NELL1: variants seen among roughly 807,000 people sequenced by gnomAD.
NELL1 encodes neural EGFL like 1, also known as protein kinase C-binding protein NELL1.
A neutral mutation model predicts 107.4 loss-of-function variants in NELL1; 76 were observed. The observed-to-expected ratio is 0.71, with a 90% CI of 0.59 to 0.86. The LOEUF (loss-of-function observed/expected upper bound fraction) is 0.86. Among genes scored for constraint, NELL1 ranks in the 40% least tolerant of loss-of-function variants. NELL1 has a pLI of 0.00. For missense variants in NELL1, 1,024 were observed against 1,005.5 expected, an observed-to-expected ratio of 1.02 and a Z score of -0.25; for synonymous variants, 353 against 341.2, an observed-to-expected ratio of 1.03 and a Z score of -0.38.
At chr11:21,171,704 A>G (rs1007661339) in intron 13 of NELL1, among the ~76,000 whole-genome samples, 2 of 151,774 alleles carry the variant, frequency 1.3e-5, no homozygotes, top group African/African-American at 2.4e-5. Flanking sequence ...AACCTACTTT[A>G]TTACTGTAAG....
intron 15 of NELL1, among the ~76,000 whole-genome samples, chr11:21,412,283 TTTTG>T (rs1852397902): frequency 6.6e-6 from 1 of 152,086 alleles, no homozygotes; most frequent in Admixed American, 6.6e-5. Context: ...ATGATAATGA[TTTTG>T]TTTGGGGTGA....
chr11:21,228,040 G>T (rs1857939948), intron 13 of NELL1, among the ~76,000 whole-genome samples: 1 of 152,056 alleles, frequency 6.6e-6, no homozygotes, highest in African/African-American at 2.4e-5. Context: ...TCCAATTAGT[G>T]TTATTTCCTT....
At chr11:21,253,157 A>T (rs1423245163) in intron 14 of NELL1, among the ~76,000 whole-genome samples, 1 of 152,168 alleles carries the variant, frequency 6.6e-6, no homozygotes, top group African/African-American at 2.4e-5. Context: ...TTTAAAGGTC[A>T]GGATGCCCTG....
chr11:21,531,652 A>T (rs1052449439), intron 15 of NELL1, among the ~76,000 whole-genome samples: 6 of 152,100 alleles, frequency 3.9e-5, no homozygotes, highest in Non-Finnish European at 8.8e-5. Flanking sequence ...TTCCTTTGGG[A>T]TGGTTGACAC....
chr11:20,892,634 G>A (rs149560553), intron 5 of NELL1, among the ~76,000 whole-genome samples: 47 of 152,240 alleles, frequency 3.1e-4, no homozygotes, highest in African/African-American at 3.6e-4. Flanking sequence ...ACATGCGGCC[G>A]GGCGCAGTGG....
At position 21,524,738 on chromosome 11, in the gene NELL1, T is replaced by G. The variant is rs569361342; in HGVS notation, c.1646-9636T>G. Among the ~76,000 whole-genome samples, 7 of 152,204 alleles carry G rather than the reference T, an allele frequency of 4.6e-5. No individual in the cohort carries two copies. The South Asian group carries it at 1.4e-3, about 31-fold the overall frequency. Reference sequence around the variant, plus strand: ...TACAATAAGAATCATTTGTAATTACTAGAGGAGCAGGATATTTTTAAAAAT... The same window carrying G: ...TACAATAAGAATCATTTGTAATTACGAGAGGAGCAGGATATTTTTAAAAAT... On this transcript the variant is annotated intron_variant, in intron 15 of 19. Coordinates refer to ENST00000357134, the MANE Select transcript of NELL1 (RefSeq NM_006157.5).
intron 12 of NELL1, among the ~76,000 whole-genome samples, chr11:20,988,321 C>G (rs1851893513): frequency 6.6e-6 from 1 of 151,792 alleles, no homozygotes; most frequent in Non-Finnish European, 1.5e-5. Context: ...AGACCTATTA[C>G]CATCTGCTTG....
At chr11:20,810,967 A>C (rs2134013098) in intron 3 of NELL1, among the ~76,000 whole-genome samples, 1 of 151,714 alleles carries the variant, frequency 6.6e-6, no homozygotes, top group East Asian at 1.9e-4. Flanking sequence ...TGCTCTGTTG[A>C]TTGTTTCCTT....
intron 2 of NELL1, among the ~76,000 whole-genome samples, chr11:20,729,626 A>T (rs1162755419): frequency 6.6e-6 from 1 of 152,238 alleles, no homozygotes; most frequent in African/African-American, 2.4e-5. Flanking sequence ...ATGTTGATAG[A>T]TTGCTAGTTT....
chr11:21,107,028 G>T (rs555945318), intron 12 of NELL1, among the ~76,000 whole-genome samples: 1 of 152,156 alleles, frequency 6.6e-6, no homozygotes, highest in East Asian at 1.9e-4. Flanking sequence ...GCAGTTCTAC[G>T]CTCATAGCAA....
At chr11:21,434,742 A>T (rs540877740) in intron 15 of NELL1, among the ~76,000 whole-genome samples, 1 of 152,084 alleles carries the variant, frequency 6.6e-6, no homozygotes, top group Non-Finnish European at 1.5e-5. Flanking sequence ...AAAGAATGTT[A>T]TTGGTATTTT....
At chr11:21,562,937 G>T (rs1163483831) in intron 17 of NELL1, among the ~76,000 whole-genome samples, 2 of 152,066 alleles carry the variant, frequency 1.3e-5, no homozygotes, top group Non-Finnish European at 2.9e-5. Flanking sequence ...CATGTCCACA[G>T]ATGAATAGAG....
chr11:21,559,624 C>T (rs1421978164), intron 16 of NELL1, among the ~76,000 whole-genome samples: 5 of 152,060 alleles, frequency 3.3e-5, no homozygotes, highest in Admixed American at 3.3e-4. Flanking sequence ...ATAAAAGACA[C>T]CTATCAAGAA....
chr11:21,306,244 A>C (rs1590821872), intron 14 of NELL1, among the ~76,000 whole-genome samples: 1 of 152,148 alleles, frequency 6.6e-6, no homozygotes, highest in East Asian at 1.9e-4. Flanking sequence ...ACAATTAATC[A>C]ATTTATTGGA....
At chr11:20,907,731 A>G (rs764099399) in intron 5 of NELL1, among the ~76,000 whole-genome samples, 1 of 152,208 alleles carries the variant, frequency 6.6e-6, no homozygotes, top group Non-Finnish European at 1.5e-5. Flanking sequence ...TAAACTAAAG[A>G]GCTTCTGCAC....
At chr11:20,964,982 G>T (rs1031739068) in intron 12 of NELL1, among the ~76,000 whole-genome samples, 17 of 151,988 alleles carry the variant, frequency 1.1e-4, no homozygotes, top group Non-Finnish European at 4.4e-5. Context: ...ATTTGGGGGT[G>T]GGGAGTTATG....
At chr11:21,015,215 A>G (rs1407492127) in intron 12 of NELL1, among the ~76,000 whole-genome samples, 2 of 152,084 alleles carry the variant, frequency 1.3e-5, no homozygotes, top group Non-Finnish European at 1.5e-5. Context: ...AGTTTCATAC[A>G]TGACTGGGAT....
intron 12 of NELL1, among the ~76,000 whole-genome samples, chr11:21,098,402 T>C (rs1854707899): frequency 1.3e-5 from 2 of 152,206 alleles, no homozygotes; most frequent in African/African-American, 4.8e-5. Flanking sequence ...TGGCCAAGCC[T>C]GCCTAATCTC....
intron 15 of NELL1, among the ~76,000 whole-genome samples, chr11:21,443,521 G>A (rs201869312): frequency 1.3e-5 from 2 of 151,690 alleles, no homozygotes; most frequent in African/African-American, 4.8e-5. Flanking sequence ...CCATAAAATT[G>A]AGGCTACTTT....
Sources: allele counts gnomAD v4.1 joint callset (sites outside exome capture counted in the v4.1 genomes callset), GRCh38; gene constraint gnomAD v4.1.1; transcripts MANE v1.5; gene names NCBI Gene and HGNC (gene_info 2026-07-23, HGNC 2026-07-21).